The following SLC30A8 variants were observed in gnomAD, a reference collection of about 807,000 sequenced individuals.
SLC30A8 encodes the protein proton-coupled zinc antiporter SLC30A8.
In SLC30A8, 27 loss-of-function variants were observed where a neutral mutation model predicts 36.9. That is an observed-to-expected ratio of 0.73 (90% CI 0.54 to 1.01). The LOEUF (loss-of-function observed/expected upper bound fraction) is 1.01, where lower values mean the gene tolerates loss of function less well. Among genes scored for constraint, SLC30A8 ranks in the 50% least tolerant of loss-of-function variants. The probability of loss-of-function intolerance (pLI) is 0.00; values close to 1 mark genes in which losing one functional copy is unlikely to be tolerated. For missense variants in SLC30A8, 439 were observed against 452.0 expected (o/e 0.97, Z 0.26); for synonymous variants, 164 against 172.4 (o/e 0.95, Z 0.38).
At chr8:117,055,185 T>C (rs1446165657) in intron 2 of SLC30A8, among the ~76,000 whole-genome samples, 1 of 152,362 alleles carries the variant, frequency 6.6e-6, no homozygotes, top group East Asian at 1.9e-4. Flanking sequence ...ACAAAGGGGC[T>C]CAGCACTGAT....
intron 2 of SLC30A8, among the ~76,000 whole-genome samples, chr8:117,103,695 G>A (rs1819834757): frequency 3.9e-5 from 6 of 152,018 alleles, no homozygotes; most frequent in Admixed American, 3.9e-4. Context: ...GACTGGTCTC[G>A]AACTCCTGGC....
chr8:117,066,214 C>T (rs985749927), intron 2 of SLC30A8, among the ~76,000 whole-genome samples: 8 of 152,186 alleles, frequency 5.3e-5, no homozygotes, highest in Non-Finnish European at 1.0e-4. Context: ...CGCCTTCTTT[C>T]CACTGTCCTG....
chr8:117,146,870 G>A (rs1256892777), intron 1 of SLC30A8, 84 bp from the exon 2 acceptor site: 15 of 1,580,148 alleles, frequency 9.5e-6, no homozygotes, highest in African/African-American at 1.3e-5. Context: ...TCCTAATAGC[G>A]GTTCCAAGTA....
chr8:117,088,792 C>T (rs1394117181), intron 2 of SLC30A8, among the ~76,000 whole-genome samples: 1 of 152,168 alleles, frequency 6.6e-6, no homozygotes, highest in Non-Finnish European at 1.5e-5. Context: ...ACTGTTGAGT[C>T]CAGATGTTGG....
intron 1 of SLC30A8, among the ~76,000 whole-genome samples, chr8:116,960,266 A>G (rs539340316): frequency 2.6e-5 from 4 of 152,358 alleles, no homozygotes; most frequent in South Asian, 4.1e-4. Flanking sequence ...GTAATGTATC[A>G]TAGAATGCTA....
chr8:117,032,054 T>C (rs1159950207), intron 1 of SLC30A8, among the ~76,000 whole-genome samples: 1 of 152,160 alleles, frequency 6.6e-6, no homozygotes, highest in African/African-American at 2.4e-5. Context: ...GGTTGTATGC[T>C]CCCAAGCCTT....
intron 1 of SLC30A8, among the ~76,000 whole-genome samples, chr8:116,975,687 A>G (rs1044438251): frequency 6.6e-6 from 1 of 152,212 alleles, no homozygotes; most frequent in Admixed American, 6.5e-5. Flanking sequence ...AGCTTGCGCA[A>G]GAATTGGCCA....
chr8:117,158,309 G>A (rs1282410990), intron 4 of SLC30A8, among the ~76,000 whole-genome samples: 1 of 152,130 alleles, frequency 6.6e-6, no homozygotes, highest in Admixed American at 6.5e-5. Context: ...ATTTCTATGG[G>A]GTGAGCAGAT....
chr8:117,035,053 T>C (rs1418205190), intron 1 of SLC30A8, among the ~76,000 whole-genome samples: 1 of 152,086 alleles, frequency 6.6e-6, no homozygotes, highest in Non-Finnish European at 1.5e-5. Flanking sequence ...AAGATGAGAT[T>C]TGGGTGTGGA....
At chr8:117,113,811 A>G (rs1449543575) in intron 2 of SLC30A8, among the ~76,000 whole-genome samples, 1 of 152,110 alleles carries the variant, frequency 6.6e-6, no homozygotes, top group African/African-American at 2.4e-5. Context: ...TCCCGCCCTC[A>G]AGTGGTGTTT....
intron 1 of SLC30A8, chr8:117,039,091 C>G (rs553663120): frequency 6.6e-6 from 1 of 152,186 alleles, no homozygotes; most frequent in Non-Finnish European, 1.5e-5. Flanking sequence ...ATGATTTATT[C>G]CTTTATCATT....
At chr8:117,071,304 T>G (rs1304313294) in intron 2 of SLC30A8, among the ~76,000 whole-genome samples, 1 of 152,216 alleles carries the variant, frequency 6.6e-6, no homozygotes, top group African/African-American at 2.4e-5. Flanking sequence ...TGATGAGTGA[T>G]GCTGAGCTTT....
At chr8:117,141,972 CAG>C (rs1421893514) in intron 1 of SLC30A8, among the ~76,000 whole-genome samples, 1 of 152,040 alleles carries the variant, frequency 6.6e-6, no homozygotes, top group Non-Finnish European at 1.5e-5. Flanking sequence ...AATTGAGGCA[CAG>C]AGAGGTTAAG....
intron 2 of SLC30A8, among the ~76,000 whole-genome samples, chr8:117,120,400 A>G (rs1048642882): frequency 2.5e-4 from 38 of 152,060 alleles, no homozygotes; most frequent in African/African-American, 8.2e-4. Context: ...ATGTTGGGAA[A>G]ACTCAATTAC....
At chr8:117,164,879 C>T (rs1325126059) in intron 6 of SLC30A8, among the ~76,000 whole-genome samples, 4 of 152,124 alleles carry the variant, frequency 2.6e-5, no homozygotes, top group Admixed American at 1.3e-4. Context: ...CTCTTTGAGT[C>T]TTCCAACTGT....
intron 2 of SLC30A8, among the ~76,000 whole-genome samples, chr8:117,119,409 C>T (rs1447498140): frequency 6.6e-6 from 1 of 151,886 alleles, no homozygotes; most frequent in African/African-American, 2.4e-5. Context: ...AAGGAGACTG[C>T]TGGCCAATGC....
intron 2 of SLC30A8, among the ~76,000 whole-genome samples, chr8:117,077,989 A>C (rs967227111): frequency 6.6e-6 from 1 of 152,214 alleles, no homozygotes; most frequent in African/African-American, 2.4e-5. Context: ...TTAAGGACTC[A>C]GTGAAAAAGT....
intron 5 of SLC30A8, 26 bp from the exon 6 acceptor site, chr8:117,163,399 A>G: frequency 6.3e-7 from 1 of 1,576,454 alleles, no homozygotes; most frequent in Non-Finnish European, 8.7e-7. Flanking sequence ...AATTCAGTTA[A>G]CCAAAATCCC....
At chr8:117,021,159 T>A (rs1367229651) in intron 1 of SLC30A8, among the ~76,000 whole-genome samples, 1 of 152,180 alleles carries the variant, frequency 6.6e-6, no homozygotes, top group Non-Finnish European at 1.5e-5. Flanking sequence ...ATAGCCTTGA[T>A]TTTTTTCCTC....
Sources: allele counts gnomAD v4.1 joint callset (sites outside exome capture counted in the v4.1 genomes callset), GRCh38; gene constraint gnomAD v4.1.1; transcripts MANE v1.5; gene names NCBI Gene and HGNC (gene_info 2026-07-23, HGNC 2026-07-21).